Variants in FTO observed in about 807,000 individuals in gnomAD.
FTO encodes FTO alpha-ketoglutarate dependent dioxygenase.
Under a neutral mutation model 63.9 loss-of-function variants are expected in FTO, and 47 were observed. The ratio of observed to expected loss-of-function variants is 0.74; its 90% CI spans 0.58 to 0.94. FTO has a LOEUF of 0.94. Among genes scored for constraint, FTO ranks in the 40% least tolerant of loss-of-function variants. The pLI is 0.00. For missense variants in FTO, 562 were observed against 618.1 expected, an observed-to-expected ratio of 0.91 and a Z score of 0.96; for synonymous variants, 207 against 224.4, an observed-to-expected ratio of 0.92 and a Z score of 0.69.
At chr16:53,804,683 G>C (rs553198647) in intron 1 of FTO, among the ~76,000 whole-genome samples, 2 of 145,946 alleles carry the variant, frequency 1.4e-5, no homozygotes, top group Admixed American at 7.0e-5. Context: ...CCATGCAGCG[G>C]TGACTCACTG....
rs559817149 is a variant in FTO, at chr16:54,120,625, T to C, written c.*8710T>C. On this transcript the variant is annotated 3_prime_UTR_variant, in exon 9 of 9. Transcript: ENST00000471389. ...GGGAGAAGTTATTTCAGGTGAATTA[T>C]AGAAACTGGATTTCAAGTTTCTGAT... 1 of 152,334 alleles carries C rather than the reference T, an allele frequency of 6.6e-6. No individual in the cohort carries two copies. Among genetic ancestry groups the C allele is most frequent in the African/African-American group, 2.4e-5 (1 of 41,588 alleles). The allele number at this position is 152,334 out of a possible 1,614,324, so 9.4% of individuals were successfully genotyped here. A position where few individuals can be genotyped will look rare whatever the true frequency, so the allele number is the denominator to read the frequency against.
intron 1 of FTO, among the ~76,000 whole-genome samples, chr16:53,757,265 T>G (rs1443417346): frequency 1.3e-5 from 2 of 152,156 alleles, no homozygotes; most frequent in Non-Finnish European, 2.9e-5. Context: ...AATTTTCAAG[T>G]ATATAATACA....
At chr16:53,991,841 T>C (rs1307372542) in intron 8 of FTO, 4 of 152,224 alleles carry the variant, frequency 2.6e-5, no homozygotes, top group African/African-American at 9.6e-5. Flanking sequence ...GCTGAAGTCA[T>C]TCAAACACTT....
At position 54,113,178 on chromosome 16, in the gene FTO, T is replaced by G. The variant is rs1369338151; in HGVS notation, c.*1263T>G. ...TGACCTGGATGTAGATGTTTTCCTC[T>G]CTCTTGCTGACCCCTCCGCCAGTTT... On this transcript the variant is annotated 3_prime_UTR_variant, in exon 9 of 9. Coordinates refer to ENST00000471389, the MANE Select transcript of FTO (RefSeq NM_001080432.3). The G allele has an allele frequency of 6.6e-6, 1 of 152,228 alleles. No homozygotes were observed. The highest frequency in any genetic ancestry group is 1.5e-5 in the Non-Finnish European group (1 of 68,070). 9.4% of individuals were successfully genotyped at this position (152,228 alleles called of 1,614,324 possible).
At chr16:53,786,695 A>G (rs2077749041) in intron 1 of FTO, among the ~76,000 whole-genome samples, 1 of 152,194 alleles carries the variant, frequency 6.6e-6, no homozygotes, top group Non-Finnish European at 1.5e-5. Context: ...GCATAAAAGC[A>G]AACTGAAATG....
chr16:53,777,861 T>A (rs1235562815), intron 1 of FTO, among the ~76,000 whole-genome samples: 1 of 152,184 alleles, frequency 6.6e-6, no homozygotes, highest in Admixed American at 6.5e-5. Context: ...AATACTCAAG[T>A]CCGATTAACC....
intron 8 of FTO, among the ~76,000 whole-genome samples, chr16:54,050,734 C>T (rs2085291681): frequency 6.6e-6 from 1 of 152,146 alleles, no homozygotes; most frequent in African/African-American, 2.4e-5. Flanking sequence ...TTGGCATGAC[C>T]GCAGCCTAAA....
chr16:54,076,926 C>T (rs559795678), intron 8 of FTO, among the ~76,000 whole-genome samples: 1 of 152,156 alleles, frequency 6.6e-6, no homozygotes, highest in South Asian at 2.1e-4. Flanking sequence ...TTTGAAAGCT[C>T]TTATTTTTTA....
intron 8 of FTO, among the ~76,000 whole-genome samples, chr16:54,010,695 T>C (rs1460342106): frequency 6.6e-6 from 1 of 152,170 alleles, no homozygotes; most frequent in Non-Finnish European, 1.5e-5. Flanking sequence ...GGATTTTAAA[T>C]AACTTAATTC....
chr16:54,000,057 T>G (rs1269960858), intron 8 of FTO: 1 of 152,172 alleles, frequency 6.6e-6, no homozygotes, highest in Admixed American at 6.5e-5. Context: ...ACAGGAATGA[T>G]CTCGAATGAT....
At chr16:53,980,894 T>C (rs1464919795) in intron 8 of FTO, among the ~76,000 whole-genome samples, 1 of 152,150 alleles carries the variant, frequency 6.6e-6, no homozygotes, top group East Asian at 1.9e-4. Context: ...GCTGATACAG[T>C]TTAGAATTGC....
chr16:53,960,328 G>A (rs573283560), intron 8 of FTO, among the ~76,000 whole-genome samples: 12 of 152,300 alleles, frequency 7.9e-5, no homozygotes, highest in East Asian at 3.9e-4. Flanking sequence ...GAGTGTATCC[G>A]TGTATAAATC....
chr16:53,906,417 C>A (rs1001374777), intron 7 of FTO, among the ~76,000 whole-genome samples: 1 of 151,940 alleles, frequency 6.6e-6, no homozygotes, highest in Admixed American at 6.6e-5. Context: ...AACAGGAAGG[C>A]TCCCTCACTT....
intron 1 of FTO, among the ~76,000 whole-genome samples, chr16:53,777,648 A>G (rs2077492404): frequency 6.6e-6 from 1 of 152,220 alleles, no homozygotes; most frequent in Admixed American, 6.5e-5. Flanking sequence ...GTGTAAAAAA[A>G]GGTCACACTC....
intron 8 of FTO, among the ~76,000 whole-genome samples, chr16:54,062,421 A>G (rs1375936232): frequency 6.6e-6 from 1 of 151,994 alleles, no homozygotes; most frequent in African/African-American, 2.4e-5. Context: ...AGGAGGGAGG[A>G]CCCACACGCT....
At position 53,890,822 on chromosome 16, in the gene FTO, G is replaced by A. The variant is rs925466654; in HGVS notation, c.1239+1871G>A. 5.9e-5 allele frequency among the ~76,000 whole-genome samples: 9 copies of A among 152,070 alleles called. No individual in the cohort carries two copies. The South Asian group carries it at 6.2e-4, about 11-fold the overall frequency. ...ATATAAAGGCAGCTTCAATTTCAGG[G>A]CAACATTTTTTCCCCCTACTGTGTA... On this transcript the variant is annotated intron_variant, in intron 7 of 8. Coordinates refer to ENST00000471389, the MANE Select transcript of FTO (RefSeq NM_001080432.3).
chr16:53,774,185 C>T (rs1200663760), intron 1 of FTO, among the ~76,000 whole-genome samples: 1 of 152,146 alleles, frequency 6.6e-6, no homozygotes, highest in Non-Finnish European at 1.5e-5. Context: ...AACTTACCCT[C>T]TATGACCTTA....
intron 1 of FTO, among the ~76,000 whole-genome samples, chr16:53,760,610 C>T (rs574321625): frequency 6.8e-6 from 1 of 146,256 alleles, no homozygotes; most frequent in African/African-American, 2.5e-5. Context: ...CATCTCTCAT[C>T]TGCTTGCTTT....
chr16:54,107,090 T>G (rs928142767), intron 8 of FTO, among the ~76,000 whole-genome samples: 4 of 147,868 alleles, frequency 2.7e-5, no homozygotes, highest in Non-Finnish European at 6.0e-5. Context: ...TTTAAAATAT[T>G]TATATATAAA....
Sources: gnomAD v4.1 joint callset for allele counts (sites outside exome capture counted in the v4.1 genomes callset) on GRCh38, gnomAD v4.1.1 for gene constraint, MANE v1.5 for transcripts, NCBI Gene and HGNC (gene_info 2026-07-23, HGNC 2026-07-21) for gene names.